The following NOS1 variants were observed in gnomAD, a reference collection of about 807,000 sequenced individuals.
NOS1 encodes the protein NOS type I.
Under a neutral mutation model 164.5 loss-of-function variants are expected in NOS1, and 51 were observed. That is an observed-to-expected ratio of 0.31 (90% CI 0.25 to 0.39). The LOEUF is 0.39. NOS1 is among the 10% of genes least tolerant of loss of function. The probability of loss-of-function intolerance (pLI) is 1.00; values close to 1 mark genes in which losing one functional copy is unlikely to be tolerated. For synonymous variants in NOS1, 719 were observed against 745.8 expected, an observed-to-expected ratio of 0.96 and a Z score of 0.59; for missense variants, 1,362 against 1,885.6, an observed-to-expected ratio of 0.72 and a Z score of 5.14.
intron 3 of NOS1, among the ~76,000 whole-genome samples, chr12:117,295,054 C>G (rs1311268724): frequency 6.6e-6 from 1 of 152,168 alleles, no homozygotes; most frequent in Non-Finnish European, 1.5e-5. Flanking sequence ...AGCTCTGATT[C>G]CTTTTCCCCT....
Position 117,227,425 on chromosome 12 carries a change from G to A in NOS1, c.3616+6C>T, listed in dbSNP as rs199597562. 30 of 1,613,376 alleles carry A rather than the reference G, an allele frequency of 1.9e-5. No individual in the cohort carries two copies. Among genetic ancestry groups the A allele is most frequent in the East Asian group, 1.1e-4 (5 of 44,864 alleles). Reference sequence around the variant, plus strand: ...CTGAGGAGGCTCTCCCAGTGCCTCCGCCCACCTCGAGTGCGGTAGGAAACG... The same window carrying A: ...CTGAGGAGGCTCTCCCAGTGCCTCCACCCACCTCGAGTGCGGTAGGAAACG... On this transcript the variant is annotated splice_donor_region_variant and intron_variant, in intron 23 of 28. Transcript: ENST00000317775.
Position 117,210,468 on chromosome 12 carries a change from G to A in NOS1, c.*4841C>T. 1.0e-6 allele frequency: 1 copy of A among 985,470 alleles called. No individual in the cohort carries two copies. The highest frequency in any genetic ancestry group is 1.2e-6 in the Non-Finnish European group (1 of 829,990). The allele number at this position is 985,470 out of a possible 1,614,324, so 61.0% of individuals were successfully genotyped here. A position where few individuals can be genotyped will look rare whatever the true frequency, so the allele number is the denominator to read the frequency against. On this transcript the variant is annotated 3_prime_UTR_variant, in exon 29 of 29. Coordinates refer to ENST00000317775, the MANE Select transcript of NOS1 (RefSeq NM_000620.5). ...GACATGGTGGCCACAGCGGCATGCT[G>A]GGTATGTGGGGCAGCGGGTAGGGAA...
At chr12:117,241,889 A>G (rs1870206660) in intron 20 of NOS1, among the ~76,000 whole-genome samples, 1 of 152,238 alleles carries the variant, frequency 6.6e-6, no homozygotes, top group Non-Finnish European at 1.5e-5. Context: ...GGTGAGAGTG[A>G]CATTTCCAGC....
At chr12:117,253,777 G>C in intron 16 of NOS1, 23 bp from the exon 17 acceptor site, 1 of 1,557,228 alleles carries the variant, frequency 6.4e-7, no homozygotes. Context: ...AAGAGAACCT[G>C]TGAGCTCTGG....
chr12:117,323,510 G>T (rs1875088253), intron 2 of NOS1, among the ~76,000 whole-genome samples: 1 of 152,186 alleles, frequency 6.6e-6, no homozygotes, highest in South Asian at 2.1e-4. Context: ...TGGGACAAGT[G>T]ACCATACCTC....
intron 13 of NOS1, among the ~76,000 whole-genome samples, chr12:117,261,756 C>A (rs1431555638): frequency 6.6e-6 from 1 of 152,086 alleles, no homozygotes; most frequent in Non-Finnish European, 1.5e-5. Flanking sequence ...GGTTTGAAAC[C>A]AGCTTGGTCA....
At chr12:117,318,611 C>T (rs1028468332) in intron 2 of NOS1, among the ~76,000 whole-genome samples, 1 of 152,198 alleles carries the variant, frequency 6.6e-6, no homozygotes, top group African/African-American at 2.4e-5. Context: ...CGACCTCTTG[C>T]ACGGAAGGAA....
chr12:117,258,472 A>T lies in NOS1; in HGVS notation c.2473-17T>A. ...GCCGAATTTCTGGAAGCCAAAACAT[A>T]TGGGTGAAATTAGCACATCTTAGTA... On this transcript the variant is annotated splice_polypyrimidine_tract_variant and intron_variant, in intron 15 of 28. Coordinates refer to ENST00000317775, the MANE Select transcript of NOS1 (RefSeq NM_000620.5). 6.2e-7 allele frequency: 1 copy of T among 1,613,452 alleles called. No homozygotes were observed. The highest frequency in any genetic ancestry group is 8.5e-7 in the Non-Finnish European group (1 of 1,179,448).
chr12:117,280,734 C>G lies in NOS1; in HGVS notation c.1515G>C (p.Gln505His), dbSNP rs966552234. The G allele has an allele frequency of 1.9e-6, 3 of 1,614,036 alleles. No individual in the cohort carries two copies. The Admixed American group carries it at 5.0e-5, about 27-fold the overall frequency. ...GSTLGDPANV[Q>H]FTEICIQQGW... ...GCGGAAACGCTCGCACCTCTGTGAACTGCACATTGGCTGGGTCCCCCAGGG... is the reference window on the plus strand; with the variant it reads ...GCGGAAACGCTCGCACCTCTGTGAAGTGCACATTGGCTGGGTCCCCCAGGG... The change falls in exon 8 of 29, where the codon CAG (glutamine) becomes CAC (histidine). Residue 505 changes from glutamine to histidine, a missense_variant. Gln to His is a conservative substitution (Grantham distance 24). This residue lies in a region of NOS1 where 134 missense variants were observed against 267.3 expected (regional missense o/e 0.50). Transcript: ENST00000317775.
At chr12:117,292,273 T>G (rs188904454) in intron 3 of NOS1, among the ~76,000 whole-genome samples, 111 of 151,892 alleles carry the variant, frequency 7.3e-4, no homozygotes, top group African/African-American at 2.7e-3. Flanking sequence ...TGTAACTAAG[T>G]GGAGGGGAGA....
At position 117,330,299 on chromosome 12, in the gene NOS1, TGC is replaced by T; in HGVS notation, c.725+44_725+45del. 3.2e-6 allele frequency: 2 copies of T among 634,012 alleles called. No individual in the cohort carries two copies. The highest frequency in any genetic ancestry group is 2.2e-6 in the Non-Finnish European group (1 of 459,048). The allele number at this position is 634,012 out of a possible 1,614,324, so 39.3% of individuals were successfully genotyped here. ...AGACGCACATGCACACACACAAGCA[TGC>T]ACACACACACACACACACACACACA... is the stretch of plus-strand genomic sequence containing the variant. On this transcript the variant is annotated intron_variant, in intron 2 of 28. Transcript: ENST00000317775. This position sits in a 1 kb window ranked among gnomAD's most constrained non-coding sequence, Gnocchi z 4.6.
chr12:117,283,052 AT>A (rs1873806578), intron 7 of NOS1, among the ~76,000 whole-genome samples: 1 of 67,556 alleles, frequency 1.5e-5, no homozygotes, highest in South Asian at 6.3e-4. Context: ...ATATATATAT[AT>A]ATATTTTTTT....
In NOS1 at chr12:117,331,182, G is replaced by A. The variant is rs975087203; in HGVS notation, c.-113C>T. 2.3e-6 allele frequency: 3 copies of A among 1,327,744 alleles called. No homozygotes were observed. The highest frequency in any genetic ancestry group is 2.3e-5 in the East Asian group (1 of 42,972). The allele number at this position is 1,327,744 out of a possible 1,614,324, so 82.2% of individuals were successfully genotyped here. On this transcript the variant is annotated 5_prime_UTR_variant, in exon 2 of 29. Coordinates refer to ENST00000317775, the MANE Select transcript of NOS1 (RefSeq NM_000620.5). ...CTACACGGAGAGCAGGAGCCGGGGT[G>A]ACAGGTGCTGACAAGGCTTCAGCCC... is the stretch of plus-strand genomic sequence containing the variant.
At chr12:117,293,757 T>C (rs1324854539) in intron 3 of NOS1, among the ~76,000 whole-genome samples, 1 of 152,042 alleles carries the variant, frequency 6.6e-6, no homozygotes, top group Non-Finnish European at 1.5e-5. Flanking sequence ...CTATTATTAC[T>C]TCTGCAAGTA....
intron 8 of NOS1, among the ~76,000 whole-genome samples, chr12:117,280,082 A>G (rs1873508584): frequency 6.6e-6 from 1 of 152,170 alleles, no homozygotes; most frequent in South Asian, 2.1e-4. Context: ...TCATGTGGGC[A>G]TGGTCCGTAT....
intron 23 of NOS1, 72 bp from the exon 24 acceptor site, chr12:117,226,842 C>T: frequency 1.7e-6 from 2 of 1,158,650 alleles, no homozygotes; most frequent in Non-Finnish European, 1.3e-6. Context: ...CCCTCCAGTG[C>T]AAAATACCCA....
Position 117,253,709 on chromosome 12 carries a change from G to A in NOS1, c.2577C>T (p.Ser859=), listed in dbSNP as rs775229579. The A allele has an allele frequency of 1.2e-5, 19 of 1,613,868 alleles. No individual in the cohort carries two copies. The highest frequency in any genetic ancestry group is 1.6e-4 in the Middle Eastern group (1 of 6,082). The change falls in exon 17 of 29, where the codon TCC becomes TCT. Residue 859 remains serine (S), a synonymous_variant. Coordinates refer to ENST00000317775, the MANE Select transcript of NOS1 (RefSeq NM_000620.5). ...CGGGCCCATCGCCTGATGATTTTTG[G>A]GAGTCAGAGTAGGAGGAGACGCTGT... ...RFNSVSSYSD[S]QKSSGDGPDL...
At position 117,227,570 on chromosome 12, in the gene NOS1, T is replaced by C. The variant is rs202207077; in HGVS notation, c.3477A>G (p.Pro1159=). Residue 1159 remains proline (P), a synonymous_variant, in exon 23 of 29, where the codon CCA becomes CCG. Transcript: ENST00000317775. ...PTIVEVLEEF[P]SIQMPATLLL... is the part of the protein sequence containing the mutation. ...GCAGGGTGGCCGGCATCTGGATAGA[T>C]GGGAACTCCTCCAGCACCTCCACGA... 82 of 1,613,830 alleles carry C rather than the reference T, an allele frequency of 5.1e-5. No homozygotes were observed. In the African/African-American group the frequency reaches 1.0e-3, roughly 20 times the overall value.
At chr12:117,316,742 G>T (rs974814997) in intron 2 of NOS1, among the ~76,000 whole-genome samples, 1 of 152,190 alleles carries the variant, frequency 6.6e-6, no homozygotes, top group East Asian at 1.9e-4. Context: ...TATGTGGGGG[G>T]CCTCTGGGAG....
Sources: gnomAD v4.1 joint callset for allele counts (sites outside exome capture counted in the v4.1 genomes callset) on GRCh38, gnomAD v4.1.1 for gene constraint, gnomAD v4.1.1 regional missense constraint, Gnocchi (gnomAD v3.1) non-coding constraint, MANE v1.5 for transcripts, NCBI Gene and HGNC (gene_info 2026-07-23, HGNC 2026-07-21) for gene names.